CEP83: variants seen among roughly 807,000 people sequenced by gnomAD.
The protein encoded by CEP83 is centrosomal protein 83.
In CEP83, 70 loss-of-function variants were observed where a neutral mutation model predicts 101.9. The observed-to-expected ratio is 0.69, with a 90% CI of 0.57 to 0.84. The LOEUF (loss-of-function observed/expected upper bound fraction) is 0.84, where lower values mean the gene tolerates loss of function less well. Ranked by LOEUF, CEP83 falls within the 40% of genes least tolerant of loss-of-function variation. The pLI is 0.00. For synonymous variants in CEP83, 264 were observed against 267.9 expected (o/e 0.99, Z 0.14); for missense variants, 715 against 787.2 (o/e 0.91, Z 1.10).
At chr12:94,424,783 T>A (rs1279792309) in intron 2 of CEP83, 1 of 1,610,734 alleles carries the variant, frequency 6.2e-7, no homozygotes. Context: ...CTGGTTGCAA[T>A]CCTCGGATGT....
chr12:94,452,984 C>T (rs748973077), intron 1 of CEP83, among the ~76,000 whole-genome samples: 12 of 152,114 alleles, frequency 7.9e-5, no homozygotes, highest in Non-Finnish European at 1.6e-4. Context: ...CTTAAACTAC[C>T]CCCATTTGCA....
At chr12:94,378,132 T>G (rs1449515336) in intron 7 of CEP83, among the ~76,000 whole-genome samples, 2 of 151,936 alleles carry the variant, frequency 1.3e-5, no homozygotes, top group Non-Finnish European at 2.9e-5. Context: ...ACAAAATAAA[T>G]AAAAACAATT....
chr12:94,398,732 A>G (rs1439089378), intron 6 of CEP83, among the ~76,000 whole-genome samples: 1 of 152,252 alleles, frequency 6.6e-6, no homozygotes, highest in African/African-American at 2.4e-5. Context: ...CAGAGAGCCT[A>G]TAAACAGACA....
chr12:94,347,948 T>A (rs2060016406), intron 11 of CEP83, among the ~76,000 whole-genome samples: 2 of 152,142 alleles, frequency 1.3e-5, no homozygotes, highest in South Asian at 4.1e-4. Flanking sequence ...TAGAAACTTT[T>A]TAAGGGCAAA....
intron 1 of CEP83, among the ~76,000 whole-genome samples, chr12:94,456,409 G>A (rs1264718146): frequency 6.6e-6 from 1 of 152,140 alleles, no homozygotes; most frequent in Non-Finnish European, 1.5e-5. Context: ...CAAAAGTGGG[G>A]GAAAGTAGAA....
At chr12:94,390,183 C>T (rs1043189201) in intron 6 of CEP83, among the ~76,000 whole-genome samples, 5 of 152,140 alleles carry the variant, frequency 3.3e-5, no homozygotes, top group African/African-American at 7.2e-5. Flanking sequence ...CCCTGGCACC[C>T]GTGTAGCATA....
chr12:94,408,203 T>C (rs749035775), intron 4 of CEP83: 6 of 152,230 alleles, frequency 3.9e-5, no homozygotes, highest in Non-Finnish European at 7.3e-5. Flanking sequence ...TAGGTGTCAT[T>C]ACCTATTTTA....
At chr12:94,417,437 A>G (rs766835640) in intron 2 of CEP83, among the ~76,000 whole-genome samples, 2 of 152,164 alleles carry the variant, frequency 1.3e-5, no homozygotes, top group African/African-American at 2.4e-5. Flanking sequence ...AGCTAAAACA[A>G]AAAGTTTAGA....
rs369539614 is a variant in CEP83, at chr12:94,450,732, T to C, written c.-155+8825A>G. Reference sequence around the variant, plus strand: ...TGAAAGATCTAAGTAAATGGAGAGATATTACATGTTCATGGATTGGAAGAC... The same window carrying C: ...TGAAAGATCTAAGTAAATGGAGAGACATTACATGTTCATGGATTGGAAGAC... On this transcript the variant is annotated intron_variant, in intron 1 of 16. Transcript: ENST00000397809. 4.6e-5 allele frequency among the ~76,000 whole-genome samples: 7 copies of C among 152,330 alleles called. 1 individual carries two copies. The highest frequency in any genetic ancestry group is 1.7e-4 in the African/African-American group (7 of 41,572).
chr12:94,391,916 G>GATC (rs2062567163), intron 6 of CEP83, among the ~76,000 whole-genome samples: 1 of 151,962 alleles, frequency 6.6e-6, no homozygotes, highest in Admixed American at 6.5e-5. Context: ...ATGGCAAAGG[G>GATC]ATCAATTCAA....
At chr12:94,438,794 A>C (rs2066186886) in intron 1 of CEP83, among the ~76,000 whole-genome samples, 1 of 152,222 alleles carries the variant, frequency 6.6e-6, no homozygotes, top group Non-Finnish European at 1.5e-5. Flanking sequence ...GTCTCAATAA[A>C]TTTAAGAAAA....
intron 6 of CEP83, among the ~76,000 whole-genome samples, chr12:94,400,626 C>A (rs2063195035): frequency 6.7e-6 from 1 of 149,646 alleles, no homozygotes; most frequent in Non-Finnish European, 1.5e-5. Flanking sequence ...TCTCCATTGG[C>A]TGGACAAAAT....
At position 94,447,248 on chromosome 12, in the gene CEP83, T is replaced by A. The variant is rs1427464262; in HGVS notation, c.-154-11921A>T. On this transcript the variant is annotated intron_variant, in intron 1 of 16. Transcript: ENST00000397809. ...TTTAATCTAGGCTGGGCACAGTGGC[T>A]CATGCCTGTAATCCCAGCACTTTGA... 2.6e-5 allele frequency among the ~76,000 whole-genome samples: 4 copies of A among 152,322 alleles called. No homozygotes were observed. The East Asian group carries it at 5.8e-4, about 22-fold the overall frequency.
chr12:94,268,698 G>A, the CEP83 span, among the ~76,000 whole-genome samples: 17,576 of 147,842 alleles, frequency 0.12, 1,235 homozygotes, highest in African/African-American at 0.19. Flanking sequence ...GGGTTCAAGC[G>A]ATTCTCCTGC....
rs192349282 is a variant in CEP83, at chr12:94,310,030, C to T, written c.1889G>A (p.Arg630Gln). The T allele has an allele frequency of 5.7e-5, 91 of 1,608,684 alleles. No individual in the cohort carries two copies. The East Asian group carries it at 1.6e-3, about 28-fold the overall frequency. The change falls in exon 16 of 17, where the codon CGA (arginine) becomes CAA (glutamine). Residue 630 changes from arginine (R) to glutamine (Q), a missense_variant. Transcript: ENST00000397809. ...CATGTTAGGAACCAAAATTAGACTT[C>T]GAAATTCATTATGTCTTCTCTGTAT... ...KDIQRRHNEF[R>Q]SLILVPNMPP...
At chr12:94,373,743 T>C (rs909187990) in intron 8 of CEP83, among the ~76,000 whole-genome samples, 1 of 152,326 alleles carries the variant, frequency 6.6e-6, no homozygotes, top group South Asian at 2.1e-4. Context: ...TGACATAACT[T>C]TGTTCTAAAA....
intron 14 of CEP83, among the ~76,000 whole-genome samples, chr12:94,324,716 A>C (rs749714431): frequency 6.6e-6 from 1 of 152,192 alleles, no homozygotes; most frequent in Non-Finnish European, 1.5e-5. Context: ...TGAGTTAATT[A>C]TTGTTATTGT....
the CEP83 span, among the ~76,000 whole-genome samples, chr12:94,296,858 A>T: frequency 6.6e-6 from 1 of 152,150 alleles, no homozygotes; most frequent in Non-Finnish European, 1.5e-5. Flanking sequence ...GGTCTTATTC[A>T]TTGCTATATG....
At chr12:94,343,059 G>C (rs1339767507) in intron 11 of CEP83, among the ~76,000 whole-genome samples, 1 of 151,830 alleles carries the variant, frequency 6.6e-6, no homozygotes, top group Non-Finnish European at 1.5e-5. Flanking sequence ...CAGATCCTAT[G>C]TGTACAGACA....
Sources: allele counts gnomAD v4.1 joint callset (sites outside exome capture counted in the v4.1 genomes callset), GRCh38; gene constraint gnomAD v4.1.1; transcripts MANE v1.5; gene names NCBI Gene and HGNC (gene_info 2026-07-23, HGNC 2026-07-21).